Variants in QKI observed in about 807,000 individuals in gnomAD.
QKI encodes QKI, KH domain containing RNA binding, also known as KH domain-containing RNA-binding protein QKI.
QKI carries 10 observed loss-of-function variants against 39.0 expected under a neutral mutation model. The observed-to-expected ratio is 0.26, with a 90% confidence interval of 0.16 to 0.43. The LOEUF (loss-of-function observed/expected upper bound fraction) is 0.43. Among genes scored for constraint, QKI ranks in the 20% least tolerant of loss-of-function variants. QKI has a pLI of 1.00. For missense variants in QKI, 218 were observed against 428.0 expected (o/e 0.51, Z 4.33); for synonymous variants, 204 against 155.4 (o/e 1.31, Z -2.33).
intron 7 of QKI, chr6:163,569,315 A>G: frequency 9.3e-7 from 1 of 1,076,072 alleles, no homozygotes; most frequent in Non-Finnish European, 1.1e-6. Flanking sequence ...TATGAAGGTA[A>G]ATCAGTCCAT....
intron 4 of QKI, among the ~76,000 whole-genome samples, chr6:163,548,664 T>TGAGA (rs1374133546): frequency 6.6e-6 from 1 of 152,084 alleles, no homozygotes; most frequent in Non-Finnish European, 1.5e-5. Context: ...TGAGAGAGAT[T>TGAGA]GAGGTGAGGT....
intron 2 of QKI, among the ~76,000 whole-genome samples, chr6:163,478,462 ATC>A (rs1792795678): frequency 6.6e-6 from 1 of 152,222 alleles, no homozygotes; most frequent in Non-Finnish European, 1.5e-5. Flanking sequence ...CTTGGCTGGC[ATC>A]TAATATTTTG....
chr6:163,533,298 G>T (rs1237358383), intron 3 of QKI, among the ~76,000 whole-genome samples: 1 of 152,100 alleles, frequency 6.6e-6, no homozygotes, highest in Non-Finnish European at 1.5e-5. Flanking sequence ...TAACCCTGAG[G>T]TTTCCAGTTT....
intron 4 of QKI, among the ~76,000 whole-genome samples, chr6:163,558,845 A>G (rs1416818335): frequency 6.6e-6 from 1 of 151,990 alleles, no homozygotes; most frequent in African/African-American, 2.4e-5. Flanking sequence ...AATCCTGTGC[A>G]TTTCTGGGAG....
intron 6 of QKI, chr6:163,564,628 GTGCTCGAAAAAGACATTACTGATGCC>G (rs1783241487): frequency 2.5e-6 from 4 of 1,613,556 alleles, no homozygotes; most frequent in Non-Finnish European, 3.4e-6. Context: ...AAAAAGTGGT[GTGCTCGAAAAAGACATTACTGATGCC>G]TTTTTTTTAT....
chr6:163,492,099 A>G (rs1180587972), intron 3 of QKI, among the ~76,000 whole-genome samples: 1 of 152,198 alleles, frequency 6.6e-6, no homozygotes, highest in Non-Finnish European at 1.5e-5. Flanking sequence ...CTCTGTTGAC[A>G]GAGTGAGTAG....
At position 163,577,985 on chromosome 6, in the gene QKI, C is replaced by T. The variant is rs1406506205; in HGVS notation, c.*7275C>T. ...TCTAATAGTTGTACTATACATATGT[C>T]TAAAATAATAGTCATGGTAAGTTTG... On this transcript the variant is annotated 3_prime_UTR_variant, in exon 8 of 8. Coordinates refer to ENST00000361752, the MANE Select transcript of QKI (RefSeq NM_006775.3). 1 of 152,062 alleles carries T rather than the reference C, an allele frequency of 6.6e-6. No homozygotes were observed. The highest frequency in any genetic ancestry group is 1.9e-4 in the East Asian group (1 of 5,192). 9.4% of individuals were successfully genotyped at this position (152,062 alleles called of 1,614,324 possible).
Position 163,573,873 on chromosome 6 carries a change from A to G in QKI, c.*3163A>G, listed in dbSNP as rs1033108695. ...AACAAATAAAGACAAAAGAATGTAA[A>G]GTCTTGAGTTACTGGACTAACCCTG... On this transcript the variant is annotated 3_prime_UTR_variant, in exon 8 of 8. Transcript: ENST00000361752. 6.6e-6 allele frequency: 1 copy of G among 152,254 alleles called. No individual in the cohort carries two copies. Among genetic ancestry groups the G allele is most frequent in the Non-Finnish European group, 1.5e-5 (1 of 68,044 alleles). The allele number at this position is 152,254 out of a possible 1,614,324, so 9.4% of individuals were successfully genotyped here.
intron 4 of QKI, among the ~76,000 whole-genome samples, chr6:163,535,346 G>A (rs147625396): frequency 3.3e-4 from 50 of 152,174 alleles, no homozygotes; most frequent in African/African-American, 1.2e-3. Context: ...GGAGGGTGAC[G>A]TCGCGTAAGA....
intron 1 of QKI, among the ~76,000 whole-genome samples, chr6:163,436,341 A>G (rs1306234383): frequency 1.3e-5 from 2 of 152,220 alleles, no homozygotes; most frequent in Non-Finnish European, 2.9e-5. Flanking sequence ...ATGGTACATT[A>G]CATAATAAGG....
intron 1 of QKI, among the ~76,000 whole-genome samples, chr6:163,448,431 ATAGTCTGTACTC>A (rs1399542454): frequency 2.0e-5 from 3 of 151,824 alleles, no homozygotes; most frequent in Non-Finnish European, 4.4e-5. Flanking sequence ...ATTTCACTTA[ATAGTCTGTACTC>A]TAGGCTAGGC....
Position 163,565,336 on chromosome 6 carries a change from C to T in QKI, c.935-1385C>T. ...CCGAGGAGTTATGACTCTTGACTTC[C>T]TGCAGGGCTGGGGCTCTTAGCCACC... is the stretch of plus-strand genomic sequence containing the variant. On this transcript the variant is annotated intron_variant, in intron 6 of 7. Transcript: ENST00000361752. 3 of 986,420 alleles carry T rather than the reference C, an allele frequency of 3.0e-6. No homozygotes were observed. The South Asian group carries it at 1.4e-4, about 46-fold the overall frequency. 61.1% of individuals were successfully genotyped at this position (986,420 alleles called of 1,614,324 possible). A position where few individuals can be genotyped will look rare whatever the true frequency, so the allele number is the denominator to read the frequency against.
At chr6:163,418,739 T>C (rs1182154897) in intron 1 of QKI, among the ~76,000 whole-genome samples, 1 of 152,160 alleles carries the variant, frequency 6.6e-6, no homozygotes, top group Admixed American at 6.5e-5. Context: ...GCAGTTAATA[T>C]ATGGTTTTTA....
chr6:163,467,573 A>C (rs973898203), intron 2 of QKI, among the ~76,000 whole-genome samples: 1 of 152,238 alleles, frequency 6.6e-6, no homozygotes, highest in Non-Finnish European at 1.5e-5. Flanking sequence ...AACATGTGCC[A>C]TGTGTGCTAT....
intron 1 of QKI, among the ~76,000 whole-genome samples, chr6:163,427,827 CT>C (rs1291435389): frequency 3.1e-4 from 47 of 152,168 alleles, no homozygotes; most frequent in African/African-American, 1.1e-3. Context: ...TTAGTGAATT[CT>C]TCTGAATAAT....
chr6:163,486,818 CT>C (rs1480769165), intron 3 of QKI, among the ~76,000 whole-genome samples: 1 of 151,998 alleles, frequency 6.6e-6, no homozygotes, highest in East Asian at 1.9e-4. Context: ...CATTTTTTTC[CT>C]GCAACTCTGT....
intron 4 of QKI, among the ~76,000 whole-genome samples, chr6:163,542,561 A>G (rs2128243515): frequency 6.6e-6 from 1 of 152,218 alleles, no homozygotes; most frequent in Non-Finnish European, 1.5e-5. Flanking sequence ...TAATACAGAA[A>G]TTAAGTGATT....
At chr6:163,533,263 C>T (rs1780981883) in intron 3 of QKI, among the ~76,000 whole-genome samples, 1 of 152,088 alleles carries the variant, frequency 6.6e-6, no homozygotes, top group Non-Finnish European at 1.5e-5. Flanking sequence ...GATATTAATA[C>T]ATATTTTATT....
chr6:163,431,447 G>GTAT (rs935932582), intron 1 of QKI, among the ~76,000 whole-genome samples: 17 of 152,172 alleles, frequency 1.1e-4, no homozygotes, highest in African/African-American at 4.1e-4. Context: ...TTTAAAATAG[G>GTAT]TATATACAGA....
Sources: gnomAD v4.1 joint callset for allele counts (sites outside exome capture counted in the v4.1 genomes callset) on GRCh38, gnomAD v4.1.1 for gene constraint, MANE v1.5 for transcripts, NCBI Gene and HGNC (gene_info 2026-07-23, HGNC 2026-07-21) for gene names.